PCSK5: variants seen among roughly 807,000 people sequenced by gnomAD.
PCSK5 encodes proprotein convertase subtilisin/kexin type 5, also known as prohormone convertase 5.
Under a neutral mutation model 233.2 loss-of-function variants are expected in PCSK5, and 129 were observed. The ratio of observed to expected loss-of-function variants is 0.55; its 90% CI spans 0.48 to 0.64. PCSK5 has a LOEUF of 0.64. Among genes scored for constraint, PCSK5 ranks in the 30% least tolerant of loss-of-function variants. The pLI, the probability that PCSK5 is intolerant of heterozygous loss-of-function variation, is 0.00. For missense variants in PCSK5, 2,076 were observed against 2,430.1 expected (o/e 0.85, Z 3.06); for synonymous variants, 825 against 879.2 (o/e 0.94, Z 1.09).
At chr9:75,972,369 T>C (rs1041082524) in intron 2 of PCSK5, among the ~76,000 whole-genome samples, 2 of 152,230 alleles carry the variant, frequency 1.3e-5, no homozygotes, top group African/African-American at 4.8e-5. Flanking sequence ...TGAGCTCTTT[T>C]ATGGTTCCAT....
intron 5 of PCSK5, among the ~76,000 whole-genome samples, chr9:76,053,484 T>C (rs1829708596): frequency 6.6e-6 from 1 of 152,244 alleles, no homozygotes; most frequent in Non-Finnish European, 1.5e-5. Flanking sequence ...CCAAACTTGA[T>C]GTATCCTCTT....
intron 24 of PCSK5, among the ~76,000 whole-genome samples, chr9:76,270,136 C>A (rs1471054973): frequency 6.6e-6 from 1 of 151,966 alleles, no homozygotes; most frequent in African/African-American, 2.4e-5. Context: ...AGTTTGTTTA[C>A]ATGAACCAGC....
intron 3 of PCSK5, among the ~76,000 whole-genome samples, chr9:76,012,046 T>C (rs1827748843): frequency 6.6e-6 from 1 of 152,196 alleles, no homozygotes. Context: ...GAAGACTAGA[T>C]CATGTGTTTT....
At chr9:76,103,935 T>C (rs1407909774) in intron 8 of PCSK5, among the ~76,000 whole-genome samples, 1 of 152,204 alleles carries the variant, frequency 6.6e-6, no homozygotes, top group Non-Finnish European at 1.5e-5. Flanking sequence ...TAAAGTGGAA[T>C]CTAAAGTGAA....
intron 2 of PCSK5, among the ~76,000 whole-genome samples, chr9:75,976,857 C>CT (rs1362112477): frequency 6.6e-6 from 1 of 151,560 alleles, no homozygotes; most frequent in Non-Finnish European, 1.5e-5. Flanking sequence ...AGTTTGGCAC[C>CT]TTTTTTCCAC....
chr9:76,061,265 G>A (rs1462541860), intron 5 of PCSK5, among the ~76,000 whole-genome samples: 1 of 151,962 alleles, frequency 6.6e-6, no homozygotes, highest in Admixed American at 6.6e-5. Context: ...TCACAAACTT[G>A]GCCATTGGGT....
intron 21 of PCSK5, among the ~76,000 whole-genome samples, chr9:76,233,111 G>A (rs1490895046): frequency 6.6e-6 from 1 of 152,200 alleles, no homozygotes; most frequent in Non-Finnish European, 1.5e-5. Context: ...GGCCCACTAA[G>A]TGTGTGGAAA....
chr9:76,124,658 A>C (rs1405047266), intron 9 of PCSK5, among the ~76,000 whole-genome samples: 1 of 149,552 alleles, frequency 6.7e-6, no homozygotes, highest in East Asian at 2.0e-4. Flanking sequence ...AGGCAGGGGA[A>C]TCACTTGAAC....
chr9:75,988,167 C>T (rs1826605855), intron 3 of PCSK5, among the ~76,000 whole-genome samples: 1 of 152,184 alleles, frequency 6.6e-6, no homozygotes, highest in Admixed American at 6.5e-5. Flanking sequence ...GGCCATTTAA[C>T]ATGTTTGGTG....
chr9:76,297,464 G>T, intron 27 of PCSK5, among the ~76,000 whole-genome samples: 1 of 152,128 alleles, frequency 6.6e-6, no homozygotes, highest in East Asian at 1.9e-4. Flanking sequence ...GAGGAGAGGG[G>T]ACAGGTGTGG....
chr9:76,174,025 T>C (rs192701207), intron 13 of PCSK5, among the ~76,000 whole-genome samples: 30 of 152,090 alleles, frequency 2.0e-4, no homozygotes, highest in Admixed American at 3.9e-4. Flanking sequence ...TCTGCAATGA[T>C]GGAAATGCTG....
At chr9:75,905,771 T>C (rs1826240719) in intron 1 of PCSK5, among the ~76,000 whole-genome samples, 1 of 152,122 alleles carries the variant, frequency 6.6e-6, no homozygotes, top group Admixed American at 6.6e-5. Context: ...GTGAGGGATC[T>C]AGGTTGCGTG....
chr9:76,332,460 A>G lies in PCSK5; in HGVS notation c.4598A>G (p.Glu1533Gly). 1 of 1,612,646 alleles carries G rather than the reference A, an allele frequency of 6.2e-7. No homozygotes were observed. Among genetic ancestry groups the G allele is most frequent in the African/African-American group, 1.3e-5 (1 of 75,048 alleles). ...LNTTCVKDCP[E>G]GYYADEDSNR... ...ACAACCTGTGTGAAGGACTGCCCAG[A>G]GGGCTATTATGCCGATGAGGACAGC... The change falls in exon 34 of 38, where the codon GAG (glutamate) becomes GGG (glycine). Residue 1533 changes from glutamate to glycine, a missense_variant. Around this residue, in one of 6 missense-constraint regions of PCSK5, gnomAD observed 1,510 missense variants for 1,538.1 expected, o/e 0.98. Transcript: ENST00000674117.
At chr9:76,295,582 C>T (rs1828413424) in intron 26 of PCSK5, among the ~76,000 whole-genome samples, 171 bp downstream of exon 26, 1 of 152,150 alleles carries the variant, frequency 6.6e-6, no homozygotes, top group South Asian at 2.1e-4. Flanking sequence ...CAAACCACCT[C>T]CTTCTGCTTT....
chr9:76,331,200 C>T (rs1303646731), intron 33 of PCSK5, among the ~76,000 whole-genome samples: 2 of 152,176 alleles, frequency 1.3e-5, no homozygotes, highest in African/African-American at 4.8e-5. Flanking sequence ...TCGTGGTAGA[C>T]TGAATAATGG....
chr9:76,177,084 G>A (rs1214854818), intron 14 of PCSK5, among the ~76,000 whole-genome samples: 1 of 152,182 alleles, frequency 6.6e-6, no homozygotes, highest in Admixed American at 6.5e-5. Context: ...GAGCTCAGGA[G>A]TTTGAGACTA....
At chr9:76,196,850 A>T (rs1396465898) in intron 20 of PCSK5, among the ~76,000 whole-genome samples, 2 of 152,212 alleles carry the variant, frequency 1.3e-5, no homozygotes, top group African/African-American at 4.8e-5. Flanking sequence ...ATTGATTGAG[A>T]TTCCATATCC....
intron 37 of PCSK5, among the ~76,000 whole-genome samples, chr9:76,355,205 G>A (rs910437684): frequency 6.6e-6 from 1 of 152,192 alleles, no homozygotes; most frequent in Non-Finnish European, 1.5e-5. Flanking sequence ...GGGCGCGGTG[G>A]CTCACGCCTG....
At chr9:76,003,057 G>A (rs1827327122) in intron 3 of PCSK5, among the ~76,000 whole-genome samples, 1 of 152,192 alleles carries the variant, frequency 6.6e-6, no homozygotes. Flanking sequence ...GTACCTTGTT[G>A]GATGCCTTTG....
Sources: gnomAD v4.1 joint callset for allele counts (sites outside exome capture counted in the v4.1 genomes callset) on GRCh38, gnomAD v4.1.1 for gene constraint, gnomAD v4.1.1 regional missense constraint, MANE v1.5 for transcripts, NCBI Gene and HGNC (gene_info 2026-07-23, HGNC 2026-07-21) for gene names.